PLB1: variants seen among roughly 807,000 people sequenced by gnomAD.
The protein encoded by PLB1 is phospholipase B1.
A neutral mutation model predicts 227.4 loss-of-function variants in PLB1; 242 were observed. The observed-to-expected ratio is 1.06, with a 90% CI of 0.96 to 1.18. The LOEUF (loss-of-function observed/expected upper bound fraction) is 1.18. Among genes scored for constraint, PLB1 ranks in the 50% most tolerant of loss-of-function variants. The pLI is 0.00. For missense variants in PLB1, 1,858 were observed against 1,816.3 expected (o/e 1.02, Z -0.42); for synonymous variants, 757 against 682.2 (o/e 1.11, Z -1.71).
At chr2:28,563,163 A>G (rs1055581877) in intron 18 of PLB1, 64 bp downstream of exon 18, 9 of 1,506,006 alleles carry the variant, frequency 6.0e-6, no homozygotes, top group Non-Finnish European at 9.2e-7. Context: ...GAGAACCTGG[A>G]GAGGAAAATG....
rs773559131 is a variant in PLB1, at chr2:28,553,041, C to G, written c.1147+50C>G. ...TTAAAATTCATTCGAGGCCTGAAATCATCCAAGTAAGGGCTTTCCACATAA... is the reference window on the plus strand; with the variant it reads ...TTAAAATTCATTCGAGGCCTGAAATGATCCAAGTAAGGGCTTTCCACATAA... On this transcript the variant is annotated intron_variant, in intron 17 of 57. Transcript: ENST00000327757. 18 of 1,521,804 alleles carry G rather than the reference C, an allele frequency of 1.2e-5. No individual in the cohort carries two copies. In the Middle Eastern group the frequency reaches 5.1e-4, roughly 43 times the overall value. The allele number at this position is 1,521,804 out of a possible 1,614,324, so 94.3% of individuals were successfully genotyped here.
At chr2:28,564,808 T>A (rs1424040544) in intron 18 of PLB1, among the ~76,000 whole-genome samples, 2 of 152,214 alleles carry the variant, frequency 1.3e-5, no homozygotes, top group Non-Finnish European at 2.9e-5. Flanking sequence ...GTGTCCACAT[T>A]GTGCTTTCTT....
intron 46 of PLB1, among the ~76,000 whole-genome samples, chr2:28,619,915 A>G (rs1686777574): frequency 6.6e-6 from 1 of 152,130 alleles, no homozygotes; most frequent in South Asian, 2.1e-4. Context: ...CATGTGCAGG[A>G]GTAACAGAAA....
At chr2:28,618,434 C>G in intron 46 of PLB1, 35 bp downstream of exon 46, 1 of 1,600,702 alleles carries the variant, frequency 6.2e-7, no homozygotes, top group South Asian at 1.1e-5. Context: ...ATGGGCAGCT[C>G]AGAGTCCAGC....
chr2:28,552,452 C>T (rs540611456), intron 16 of PLB1, among the ~76,000 whole-genome samples: 3 of 152,286 alleles, frequency 2.0e-5, no homozygotes, highest in Admixed American at 1.3e-4. Context: ...CTTATTTGTT[C>T]AACTAACAAA....
intron 4 of PLB1, among the ~76,000 whole-genome samples, chr2:28,523,335 G>GTTATTTTTTT: frequency 8.6e-6 from 1 of 116,892 alleles, no homozygotes; most frequent in Non-Finnish European, 1.8e-5. Context: ...TATCTGCGAG[G>GTTATTTTTTT]TTTTTTTTTT....
chr2:28,597,247 G>C (rs948842841), intron 33 of PLB1, among the ~76,000 whole-genome samples: 30 of 136,736 alleles, frequency 2.2e-4, no homozygotes, highest in Admixed American at 8.4e-4. Flanking sequence ...CTGGGCGACA[G>C]AGCAAGACTC....
At chr2:28,597,263 C>CGG (rs1395766811) in intron 33 of PLB1, among the ~76,000 whole-genome samples, 1 of 103,596 alleles carries the variant, frequency 9.7e-6, no homozygotes, top group Non-Finnish European at 2.1e-5. Context: ...GACTCCGTCT[C>CGG]GAAAAAAAAA....
At chr2:28,642,404 C>A (rs1690075821) in intron 57 of PLB1, among the ~76,000 whole-genome samples, 1 of 152,204 alleles carries the variant, frequency 6.6e-6, no homozygotes, top group Non-Finnish European at 1.5e-5. Context: ...CATGCCTCCC[C>A]TCCCGGCCCT....
At chr2:28,563,594 G>A (rs758263357) in intron 18 of PLB1, among the ~76,000 whole-genome samples, 1 of 152,088 alleles carries the variant, frequency 6.6e-6, no homozygotes, top group African/African-American at 2.4e-5. Flanking sequence ...GTGGGAAGAC[G>A]GGAGTCTGTG....
intron 51 of PLB1, 87 bp downstream of exon 51, chr2:28,626,595 C>G (rs1452638555): frequency 7.5e-6 from 5 of 667,908 alleles, no homozygotes; most frequent in Non-Finnish European, 1.1e-5. Context: ...CTGGCCCTGC[C>G]CCGAGCTCCT....
At chr2:28,593,349 G>C (rs1289968294) in intron 32 of PLB1, among the ~76,000 whole-genome samples, 1 of 152,184 alleles carries the variant, frequency 6.6e-6, no homozygotes, top group Non-Finnish European at 1.5e-5. Context: ...CATAACGCTG[G>C]GAACGACATT....
intron 13 of PLB1, among the ~76,000 whole-genome samples, 158 bp downstream of exon 13, chr2:28,541,969 C>G (rs928835924): frequency 7.2e-5 from 11 of 152,044 alleles, no homozygotes; most frequent in African/African-American, 2.4e-4. Context: ...CCTGTCTCTA[C>G]TAAAAATACA....
chr2:28,561,529 T>C (rs11676060), intron 17 of PLB1, among the ~76,000 whole-genome samples: 102,001 of 152,136 alleles, frequency 0.67, 35,071 homozygotes, highest in Non-Finnish European at 0.75. Context: ...CCCAAATGCC[T>C]ATCGATGCAT....
At chr2:28,641,597 G>A (rs898330155) in intron 57 of PLB1, among the ~76,000 whole-genome samples, 13 of 152,162 alleles carry the variant, frequency 8.5e-5, no homozygotes, top group African/African-American at 2.9e-4. Context: ...GACAGAGTGA[G>A]ACTGTCTCAA....
intron 1 of PLB1, among the ~76,000 whole-genome samples, chr2:28,497,324 A>G (rs533797286): frequency 6.6e-6 from 1 of 152,368 alleles, no homozygotes; most frequent in South Asian, 2.1e-4. Flanking sequence ...AAATGAGGAC[A>G]AACAGAGGCT....
At chr2:28,506,786 GA>G (rs754398793) in intron 1 of PLB1, among the ~76,000 whole-genome samples, 13 of 152,230 alleles carry the variant, frequency 8.5e-5, no homozygotes, top group Non-Finnish European at 1.5e-4. Context: ...CCACCTTGGT[GA>G]ACAGAGCCCT....
intron 56 of PLB1, among the ~76,000 whole-genome samples, chr2:28,633,980 T>C (rs1689004008): frequency 2.0e-5 from 3 of 152,220 alleles, no homozygotes; most frequent in African/African-American, 7.2e-5. Context: ...CCCACCCCTG[T>C]CAGCTCATCC....
chr2:28,600,463 T>G (rs1683693046), intron 35 of PLB1, among the ~76,000 whole-genome samples: 1 of 152,182 alleles, frequency 6.6e-6, no homozygotes, highest in East Asian at 1.9e-4. Flanking sequence ...ATAGGTCTAA[T>G]TTTAGGATCT....
Sources: gnomAD v4.1 joint callset for allele counts (sites outside exome capture counted in the v4.1 genomes callset) on GRCh38, gnomAD v4.1.1 for gene constraint, MANE v1.5 for transcripts, NCBI Gene and HGNC (gene_info 2026-07-23, HGNC 2026-07-21) for gene names.